Variants in DYM observed in about 807,000 individuals in gnomAD.
DYM encodes the protein dymeclin, also known as dyggve-Melchior-Clausen syndrome protein.
A neutral mutation model predicts 93.1 loss-of-function variants in DYM; 78 were observed. The ratio of observed to expected loss-of-function variants is 0.84; its 90% CI spans 0.70 to 1.01. The LOEUF (loss-of-function observed/expected upper bound fraction) is 1.01. DYM is among the 50% of genes least tolerant of loss of function. The pLI is 0.00. For missense variants in DYM, 789 were observed against 845.0 expected (o/e 0.93, Z 0.82); for synonymous variants, 321 against 319.7 (o/e 1.00, Z -0.04).
chr18:49,277,770 T>C (rs2094880396), intron 10 of DYM, among the ~76,000 whole-genome samples: 1 of 152,200 alleles, frequency 6.6e-6, no homozygotes, highest in Non-Finnish European at 1.5e-5. Flanking sequence ...GAAATAACTT[T>C]CTGTTGTTTA....
At chr18:49,128,513 T>G (rs1431897422) in intron 15 of DYM, among the ~76,000 whole-genome samples, 1 of 152,192 alleles carries the variant, frequency 6.6e-6, no homozygotes, top group Non-Finnish European at 1.5e-5. Context: ...CCTTGTCTCA[T>G]CCCAAATCTG....
chr18:49,206,877 G>A (rs1050698304), intron 14 of DYM, among the ~76,000 whole-genome samples: 1 of 152,120 alleles, frequency 6.6e-6, no homozygotes, highest in Non-Finnish European at 1.5e-5. Context: ...GGAAGGAGGG[G>A]GTTCCAGGAA....
intron 10 of DYM, among the ~76,000 whole-genome samples, chr18:49,273,610 C>T (rs2094769380): frequency 6.6e-6 from 1 of 152,074 alleles, no homozygotes; most frequent in African/African-American, 2.4e-5. Flanking sequence ...CAAGTGCCTG[C>T]AGTATTTAGT....
chr18:49,321,856 CT>C (rs1282492630), intron 8 of DYM, among the ~76,000 whole-genome samples: 1 of 152,000 alleles, frequency 6.6e-6, no homozygotes, highest in African/African-American at 2.4e-5. Context: ...TAAGCAGTTT[CT>C]TTTTTGAAAG....
chr18:49,171,219 A>C (rs1364467188), intron 14 of DYM, among the ~76,000 whole-genome samples: 1 of 152,106 alleles, frequency 6.6e-6, no homozygotes, highest in East Asian at 1.9e-4. Context: ...GTGCTAGAGT[A>C]ATGCTCCGAA....
chr18:49,453,378 C>T (rs2082698037), intron 1 of DYM, among the ~76,000 whole-genome samples: 1 of 152,188 alleles, frequency 6.6e-6, no homozygotes, highest in African/African-American at 2.4e-5. Flanking sequence ...TTCTTTCGCT[C>T]TTTGCAATAA....
At chr18:49,346,113 C>T (rs11874323) in intron 6 of DYM, among the ~76,000 whole-genome samples, 3,856 of 152,224 alleles carry the variant, frequency 0.025, 150 homozygotes, top group African/African-American at 0.087. Flanking sequence ...TATCACTTAG[C>T]AATTCCATTC....
At chr18:49,218,070 C>G (rs1195239330) in intron 13 of DYM, among the ~76,000 whole-genome samples, 1 of 151,722 alleles carries the variant, frequency 6.6e-6, no homozygotes, top group Non-Finnish European at 1.5e-5. Flanking sequence ...ATCTACCAAG[C>G]AAATGGAAAA....
At chr18:49,068,385 C>T (rs2076636750) in intron 17 of DYM, among the ~76,000 whole-genome samples, 1 of 152,148 alleles carries the variant, frequency 6.6e-6, no homozygotes, top group Non-Finnish European at 1.5e-5. Flanking sequence ...TTTTTTGGTC[C>T]ACTTCCTTAG....
chr18:49,181,107 C>A (rs749197270), intron 14 of DYM, among the ~76,000 whole-genome samples: 29 of 152,120 alleles, frequency 1.9e-4, no homozygotes, highest in Non-Finnish European at 3.5e-4. Context: ...CTGGAAATAC[C>A]ACGTCATGAA....
chr18:49,157,872 A>G (rs2086635370), intron 15 of DYM, among the ~76,000 whole-genome samples: 1 of 152,196 alleles, frequency 6.6e-6, no homozygotes, highest in African/African-American at 2.4e-5. Flanking sequence ...ATTTTATTCT[A>G]AAAGTTGTAT....
At chr18:49,421,781 T>C (rs905763807) in intron 2 of DYM, among the ~76,000 whole-genome samples, 3 of 152,162 alleles carry the variant, frequency 2.0e-5, no homozygotes, top group Admixed American at 2.0e-4. Flanking sequence ...AATGGCTAAC[T>C]AGAATAAACC....
chr18:49,361,836 C>G (rs572008089), intron 6 of DYM, among the ~76,000 whole-genome samples: 2 of 152,258 alleles, frequency 1.3e-5, no homozygotes, highest in Admixed American at 1.3e-4. Flanking sequence ...AACGATTCTC[C>G]TGCATCAGCC....
chr18:49,407,193 G>A (rs2071597905), intron 2 of DYM, among the ~76,000 whole-genome samples: 1 of 152,202 alleles, frequency 6.6e-6, no homozygotes. Flanking sequence ...AATTAGGGAT[G>A]GGGATGGGGA....
At chr18:49,232,285 T>G (rs971482817) in intron 13 of DYM, among the ~76,000 whole-genome samples, 1 of 151,988 alleles carries the variant, frequency 6.6e-6, no homozygotes, top group African/African-American at 2.4e-5. Context: ...TGAAACAGAA[T>G]TTCTTCTTTT....
chr18:49,438,148 C>G (rs1051386981), intron 1 of DYM, among the ~76,000 whole-genome samples: 7 of 152,184 alleles, frequency 4.6e-5, no homozygotes, highest in African/African-American at 1.7e-4. Flanking sequence ...CACTGTGCAA[C>G]AGAGCAAGAC....
At chr18:49,400,249 AT>A (rs1458302681) in intron 2 of DYM, among the ~76,000 whole-genome samples, 1 of 151,936 alleles carries the variant, frequency 6.6e-6, no homozygotes, top group East Asian at 1.9e-4. Context: ...ACTAAAAGAC[AT>A]TTCTTTCTTT....
At chr18:49,294,564 T>C (rs1009061131) in intron 8 of DYM, among the ~76,000 whole-genome samples, 4 of 151,958 alleles carry the variant, frequency 2.6e-5, no homozygotes, top group African/African-American at 4.8e-5. Context: ...ACATTCAAAA[T>C]GTGAAGAGGA....
intron 15 of DYM, among the ~76,000 whole-genome samples, chr18:49,150,952 G>A (rs972154746): frequency 6.6e-6 from 1 of 152,102 alleles, no homozygotes; most frequent in Non-Finnish European, 1.5e-5. Flanking sequence ...AATGTCAACT[G>A]TCCAAGAATA....
Sources: gnomAD v4.1 joint callset for allele counts (sites outside exome capture counted in the v4.1 genomes callset) on GRCh38, gnomAD v4.1.1 for gene constraint, MANE v1.5 for transcripts, NCBI Gene and HGNC (gene_info 2026-07-23, HGNC 2026-07-21) for gene names.